The following COL5A3 variants were observed in gnomAD, a reference collection of about 807,000 sequenced individuals.
The protein encoded by COL5A3 is collagen alpha-3(V) chain.
Under a neutral mutation model 250.0 loss-of-function variants are expected in COL5A3, and 172 were observed. The ratio of observed to expected loss-of-function variants is 0.69; its 90% confidence interval spans 0.61 to 0.78. The LOEUF (loss-of-function observed/expected upper bound fraction) is 0.78, where lower values mean the gene tolerates loss of function less well. Among genes scored for constraint, COL5A3 ranks in the 30% least tolerant of loss-of-function variants. COL5A3 has a pLI of 0.00. For missense variants in COL5A3, 2,340 were observed against 2,334.4 expected, an observed-to-expected ratio of 1.00 and a Z score of -0.05; for synonymous variants, 937 against 900.4, an observed-to-expected ratio of 1.04 and a Z score of -0.73.
intron 24 of COL5A3, among the ~76,000 whole-genome samples, chr19:9,990,392 C>CAAAAAAAAAAAA (rs879496349): frequency 2.3e-4 from 19 of 81,836 alleles, no homozygotes; most frequent in African/African-American, 7.8e-4. Context: ...GAAATTCTGT[C>CAAAAAAAAAAAA]AAAAAAAAAA....
intron 33 of COL5A3, 66 bp from the exon 34 acceptor site, chr19:9,980,925 G>C: frequency 6.5e-7 from 1 of 1,539,784 alleles, no homozygotes; most frequent in Non-Finnish European, 8.9e-7. Flanking sequence ...ATGAGACCAA[G>C]TCTTCCAGGT....
At position 10,010,470 on chromosome 19, in the gene COL5A3, G is replaced by C. The variant is rs1273087280; in HGVS notation, c.-85C>G. The C allele has an allele frequency of 1.4e-5, 12 of 886,204 alleles. No homozygotes were observed. In the Admixed American group the frequency reaches 1.7e-4, roughly 13 times the overall value. The allele number at this position is 886,204 out of a possible 1,614,324, so 54.9% of individuals were successfully genotyped here. ...CTTCTCGGGCTCGGTGCAGTCACTC[G>C]CGGCGGCCGCTCCTCTCAGGGTCCG... On this transcript the variant is annotated 5_prime_UTR_variant, in exon 1 of 67. Coordinates refer to ENST00000264828, the MANE Select transcript of COL5A3 (RefSeq NM_015719.4).
At position 10,006,101 on chromosome 19, in the gene COL5A3, G is replaced by A. The variant is rs148135999; in HGVS notation, c.219C>T (p.Leu73=). Residue 73 remains leucine (L), a synonymous_variant, in exon 2 of 67, where the codon CTC becomes CTT. Coordinates refer to ENST00000264828, the MANE Select transcript of COL5A3 (RefSeq NM_015719.4). ...GAAAGAGTTCCCACGTGGGGATGCC[G>A]AGCGTGCTGGCCTGGCCAATTCTGA... ...RAFRIGQAST[L]GIPTWELFPE... is the part of the protein sequence containing the mutation. 1.4e-4 allele frequency: 219 copies of A among 1,614,018 alleles called. 1 individual carries two copies. Among genetic ancestry groups the A allele is most frequent in the African/African-American group, 1.3e-3 (96 of 75,034 alleles).
chr19:9,961,865 C>A (rs1010561705), intron 65 of COL5A3, among the ~76,000 whole-genome samples: 2 of 151,602 alleles, frequency 1.3e-5, no homozygotes, highest in Admixed American at 6.6e-5. Flanking sequence ...GCCCTGAATT[C>A]TTTTACTTAA....
intron 1 of COL5A3, among the ~76,000 whole-genome samples, chr19:10,007,025 G>C (rs758631198): frequency 2.8e-5 from 4 of 141,954 alleles, no homozygotes; most frequent in Non-Finnish European, 6.1e-5. Context: ...CTCCTCTCCT[G>C]ACTTTCCCCT....
rs1024078996 is a variant in COL5A3, at chr19:9,966,275, A to C, written c.4782+39T>G. The C allele has an allele frequency of 4.0e-6, 6 of 1,495,536 alleles. No individual in the cohort carries two copies. The African/African-American group carries it at 5.5e-5, about 14-fold the overall frequency. The allele number at this position is 1,495,536 out of a possible 1,614,324, so 92.6% of individuals were successfully genotyped here. On this transcript the variant is annotated intron_variant, in intron 64 of 66. Transcript: ENST00000264828. The stretch of plus-strand genomic sequence containing the variant: ...GTGGGTGTGGGGAGCAGGGGACAGC[A>C]CTTCCTGGGGGAGGCGATGAGAGGT...
At chr19:9,976,687 G>A (rs768956042) in intron 44 of COL5A3, 76 bp from the exon 45 acceptor site, 46 of 1,102,020 alleles carry the variant, frequency 4.2e-5, no homozygotes, top group Admixed American at 7.5e-5. Flanking sequence ...ATCAATCACT[G>A]CCTCCCACAC....
chr19:9,991,292 G>A (rs2087184948), intron 24 of COL5A3, among the ~76,000 whole-genome samples: 1 of 152,164 alleles, frequency 6.6e-6, no homozygotes, highest in African/African-American at 2.4e-5. Context: ...GCCAGGGAAG[G>A]CGGAAGCAGA....
At position 9,997,410 on chromosome 19, in the gene COL5A3, A is replaced by G; in HGVS notation, c.1224T>C (p.Pro408=). 1 of 1,608,986 alleles carries G rather than the reference A, an allele frequency of 6.2e-7. No individual in the cohort carries two copies. Among genetic ancestry groups the G allele is most frequent in the Non-Finnish European group, 8.5e-7 (1 of 1,178,252 alleles). ...GPQGVVGPSG[P]PGPPGFPGDP... is the part of the protein sequence containing the mutation. ...CGCCAGGGAATCCTGGGGGGCCGGG[A>G]GGGCCTGAGGGGCCAACCACCCCCT... Residue 408 remains proline, a synonymous_variant, in exon 11 of 67, where the codon CCT becomes CCC. Coordinates refer to ENST00000264828, the MANE Select transcript of COL5A3 (RefSeq NM_015719.4).
At chr19:9,992,759 A>C in intron 21 of COL5A3, 68 bp downstream of exon 21, 1 of 1,512,562 alleles carries the variant, frequency 6.6e-7, no homozygotes, top group African/African-American at 1.4e-5. Context: ...CCTGGGCGAC[A>C]GAGCGAGACC....
At chr19:10,005,449 G>T (rs1300160328) in intron 4 of COL5A3, 109 bp downstream of exon 4, 5 of 1,144,262 alleles carry the variant, frequency 4.4e-6, no homozygotes, top group African/African-American at 1.5e-5. Flanking sequence ...AGCTTCCTGG[G>T]GATAGATTGA....
chr19:9,978,922 A>G lies in COL5A3; in HGVS notation c.2933T>C (p.Phe978Ser). The stretch of plus-strand genomic sequence containing the variant: ...CCCAGGGCCCCCTTTGGGGCCGGGA[A>G]AGCCCCTGAGTCCAGCTGGCCCTTC... ...GKEGPAGLRG[F>S]PGPKGGPGDP... is the part of the protein sequence containing the mutation. The change falls in exon 40 of 67, where the codon TTT becomes TCT. Residue 978 changes from phenylalanine (F) to serine (S), a missense_variant. This residue lies in a region of COL5A3 where 1,179 missense variants were observed against 1,162.6 expected (regional missense o/e 1.01). Coordinates refer to ENST00000264828, the MANE Select transcript of COL5A3 (RefSeq NM_015719.4). 1.3e-6 allele frequency: 2 copies of G among 1,501,400 alleles called. No homozygotes were observed. Among genetic ancestry groups the G allele is most frequent in the Non-Finnish European group, 1.8e-6 (2 of 1,127,070 alleles). 93.0% of individuals were successfully genotyped at this position (1,501,400 alleles called of 1,614,324 possible).
At position 9,977,382 on chromosome 19, in the gene COL5A3, C is replaced by T; in HGVS notation, c.3217G>A (p.Gly1073Ser). 1.3e-6 allele frequency: 2 copies of T among 1,584,620 alleles called. No individual in the cohort carries two copies. Among genetic ancestry groups the T allele is most frequent in the Non-Finnish European group, 1.7e-6 (2 of 1,161,886 alleles). The change falls in exon 43 of 67, where the codon GGC becomes AGC. Residue 1073 changes from glycine (G) to serine (S), a missense_variant. By Grantham distance (56) the Gly-to-Ser change is moderately conservative. Transcript: ENST00000264828. ...LGPPGAAGPS[G>S]EEGDKGDVGA... The stretch of plus-strand genomic sequence containing the variant: ...CCCCTCACCTTGTCCCCTTCCTCGC[C>T]AGAAGGCCCAGCAGCTCCAGGGGGT...
intron 54 of COL5A3, among the ~76,000 whole-genome samples, chr19:9,970,319 GGGTGAGTGGGGTCTGT>G (rs2086819339): frequency 1.0e-5 from 1 of 98,984 alleles, no homozygotes; most frequent in Non-Finnish European, 2.1e-5. Flanking sequence ...TGGAATCTGT[GGGTGAGTGGGGTCTGT>G]GGGTGAGTGT....
intron 1 of COL5A3, among the ~76,000 whole-genome samples, chr19:10,008,891 G>A (rs541790720): frequency 2.0e-5 from 3 of 152,208 alleles, no homozygotes; most frequent in South Asian, 4.1e-4. Context: ...AATGTTGACA[G>A]TGTTTGTTCG....
At position 9,983,594 on chromosome 19, in the gene COL5A3, AAGAAAGAGAAAGAG is replaced by A. The variant is rs1568418816; in HGVS notation, c.2407-1490_2407-1477del. Among the ~76,000 whole-genome samples, 285 of 76,492 alleles carry A rather than the reference AAGAAAGAGAAAGAG, an allele frequency of 3.7e-3. 8 individuals carry two copies. Among genetic ancestry groups the A allele is most frequent in the African/African-American group, 0.014 (255 of 18,776 alleles). 50.2% of individuals were successfully genotyped at this position (76,492 alleles called of 152,430 possible). A position where few individuals can be genotyped will look rare whatever the true frequency, so the allele number is the denominator to read the frequency against. On this transcript the variant is annotated intron_variant, in intron 31 of 66. Transcript: ENST00000264828. ...AAAGAAAGAAAGAAAGAAAGAAAGA[AAGAAAGAGAAAGAG>A]AGAGAGAGAGAAAGAAAGAAAGAAG...
At chr19:9,990,236 A>G (rs1407943093) in intron 24 of COL5A3, among the ~76,000 whole-genome samples, 3 of 151,674 alleles carry the variant, frequency 2.0e-5, no homozygotes, top group Non-Finnish European at 4.4e-5. Context: ...TCTACTGAAA[A>G]TACAAAAATT....
chr19:9,999,171 C>CCTTCCTTCCTTCCTT (rs759237668), intron 8 of COL5A3, among the ~76,000 whole-genome samples: 3 of 119,530 alleles, frequency 2.5e-5, no homozygotes, highest in African/African-American at 9.7e-5. Context: ...TTCCTTCCTT[C>CCTTCCTTCCTTCCTT]CTTCTCTTGC....
rs1379710181 is a variant in COL5A3, at chr19:9,981,038, G to A, written c.2505+50C>T. On this transcript the variant is annotated intron_variant, in intron 33 of 66. Transcript: ENST00000264828. ...ACCTCTCCACTACCTTTCCTTCCCA[G>A]CCCTGTCCCCAAGTCCCAGCAGGGT... 5 of 1,590,858 alleles carry A rather than the reference G, an allele frequency of 3.1e-6. No individual in the cohort carries two copies. In the East Asian group the frequency reaches 1.1e-4, roughly 36 times the overall value.
Sources: gnomAD v4.1 joint callset for allele counts (sites outside exome capture counted in the v4.1 genomes callset) on GRCh38, gnomAD v4.1.1 for gene constraint, gnomAD v4.1.1 regional missense constraint, MANE v1.5 for transcripts, NCBI Gene and HGNC (gene_info 2026-07-23, HGNC 2026-07-21) for gene names.